The following MMD variants were observed in gnomAD, a reference collection of about 807,000 sequenced individuals.
The protein encoded by MMD is monocyte to macrophage differentiation factor.
MMD carries 22 observed loss-of-function variants against 33.6 expected under a neutral mutation model. The observed-to-expected ratio is 0.66, with a 90% confidence interval of 0.47 to 0.94. The LOEUF (loss-of-function observed/expected upper bound fraction) is 0.94. Among genes scored for constraint, MMD ranks in the 40% least tolerant of loss-of-function variants. The pLI, the probability that MMD is intolerant of heterozygous loss-of-function variation, is 0.00. For synonymous variants in MMD, 97 were observed against 103.2 expected (o/e 0.94, Z 0.36); for missense variants, 242 against 309.8 (o/e 0.78, Z 1.64).
intron 6 of MMD, among the ~76,000 whole-genome samples, chr17:55,396,435 T>G (rs762631151): frequency 9.9e-5 from 15 of 152,222 alleles, no homozygotes; most frequent in Non-Finnish European, 1.9e-4. Context: ...ATGGTTGTAT[T>G]GAAGCCTCCC....
chr17:55,412,596 C>T (rs923832154), intron 2 of MMD, among the ~76,000 whole-genome samples: 1 of 152,100 alleles, frequency 6.6e-6, no homozygotes, highest in Non-Finnish European at 1.5e-5. Context: ...TAGCAATTTG[C>T]TTATCTTTTT....
chr17:55,415,596 C>G (rs1907936811), intron 1 of MMD, among the ~76,000 whole-genome samples: 1 of 152,100 alleles, frequency 6.6e-6, no homozygotes, highest in South Asian at 2.1e-4. Context: ...AAAGACCAGC[C>G]AATACTCTTT....
chr17:55,420,886 C>G (rs1414494305), intron 1 of MMD, among the ~76,000 whole-genome samples: 1 of 152,176 alleles, frequency 6.6e-6, no homozygotes, highest in East Asian at 1.9e-4. Flanking sequence ...AAGGCCACGG[C>G]GCCCCCCAGC....
Position 55,393,452 on chromosome 17 carries a change from T to C in MMD, c.*882A>G, listed in dbSNP as rs1361924443. The C allele has an allele frequency of 6.6e-6, 1 of 152,556 alleles. No individual in the cohort carries two copies. The highest frequency in any genetic ancestry group is 1.5e-5 in the Non-Finnish European group (1 of 68,026). 9.5% of individuals were successfully genotyped at this position (152,556 alleles called of 1,614,324 possible). ...ATGCTCTTCAGGAGTTTCCAGCAGATGGCCATCACAACAATACTGTCATAA... is the reference window on the plus strand; with the variant it reads ...ATGCTCTTCAGGAGTTTCCAGCAGACGGCCATCACAACAATACTGTCATAA... On this transcript the variant is annotated 3_prime_UTR_variant, in exon 7 of 7. Coordinates refer to ENST00000262065, the MANE Select transcript of MMD (RefSeq NM_012329.3).
rs566023660 is a variant in MMD, at chr17:55,408,873, C to T, written c.270-1053G>A. On this transcript the variant is annotated intron_variant, in intron 3 of 6. Coordinates refer to ENST00000262065, the MANE Select transcript of MMD (RefSeq NM_012329.3). ...AAAATTAGCCAGGTGTGGTGGCGCA[C>T]GCCTGTAGTCCAAGCTACTCGGATG... Among the ~76,000 whole-genome samples, 97 of 152,100 alleles carry T rather than the reference C, an allele frequency of 6.4e-4. 1 individual carries two copies. The highest frequency in any genetic ancestry group is 5.4e-3 in the South Asian group (26 of 4,808).
intron 1 of MMD, chr17:55,420,095 T>A (rs747315848): frequency 6.6e-5 from 10 of 152,214 alleles, no homozygotes; most frequent in Non-Finnish European, 2.9e-5. Context: ...TTGTTTGTTT[T>A]TTTTCTTTTT....
chr17:55,421,785 G>A lies in MMD; in HGVS notation c.-90C>T, dbSNP rs936192801. 4.9e-5 allele frequency: 70 copies of A among 1,418,230 alleles called. No homozygotes were observed. Among genetic ancestry groups the A allele is most frequent in the Non-Finnish European group, 6.5e-5 (69 of 1,066,242 alleles). 87.9% of individuals were successfully genotyped at this position (1,418,230 alleles called of 1,614,324 possible). A position where few individuals can be genotyped will look rare whatever the true frequency, so the allele number is the denominator to read the frequency against. On this transcript the variant is annotated 5_prime_UTR_variant, in exon 1 of 7. Coordinates refer to ENST00000262065, the MANE Select transcript of MMD (RefSeq NM_012329.3). The stretch of plus-strand genomic sequence containing the variant: ...GGCCCTCATGGGCTTGGGCTGCTCC[G>A]GAGGCCGCCTGCGTGTCCAGCGGAA...
chr17:55,404,311 C>T (rs930626323), intron 4 of MMD: 1 of 341,446 alleles, frequency 2.9e-6, no homozygotes, highest in Non-Finnish European at 4.1e-6. Flanking sequence ...GCTGAGATTG[C>T]ACCACTGCAC....
intron 6 of MMD, among the ~76,000 whole-genome samples, chr17:55,396,995 G>C (rs1211600414): frequency 6.6e-6 from 1 of 152,082 alleles, no homozygotes; most frequent in East Asian, 1.9e-4. Context: ...CCTATACAAG[G>C]TTAAGACCCT....
In MMD at chr17:55,421,708, C is replaced by G. The variant is rs761221289; in HGVS notation, c.-13G>C. ...TCTTGAACCGCATTGATCCTCTGCT[C>G]CTCCTCGGGGGCCAGGAGCTCCGTC... On this transcript the variant is annotated 5_prime_UTR_variant, in exon 1 of 7. Coordinates refer to ENST00000262065, the MANE Select transcript of MMD (RefSeq NM_012329.3). 2 of 1,586,674 alleles carry G rather than the reference C, an allele frequency of 1.3e-6. No homozygotes were observed. Among genetic ancestry groups the G allele is most frequent in the Non-Finnish European group, 1.7e-6 (2 of 1,167,510 alleles).
intron 6 of MMD, among the ~76,000 whole-genome samples, chr17:55,398,478 T>C (rs1907207772): frequency 6.6e-6 from 1 of 151,866 alleles, no homozygotes; most frequent in South Asian, 2.1e-4. Flanking sequence ...TTGATCTGTT[T>C]TCCCTTAGGT....
At chr17:55,418,985 C>T (rs985694720) in intron 1 of MMD, among the ~76,000 whole-genome samples, 12 of 152,102 alleles carry the variant, frequency 7.9e-5, no homozygotes, top group Admixed American at 7.2e-4. Flanking sequence ...TGCCCACACA[C>T]AGATGTGGTG....
rs570823610 is a variant in MMD at position 55,412,249 on chromosome 17, T to C, written c.109-832A>G. On this transcript the variant is annotated intron_variant, in intron 2 of 6. Coordinates refer to ENST00000262065, the MANE Select transcript of MMD (RefSeq NM_012329.3). The stretch of plus-strand genomic sequence containing the variant: ...CATACAAAAAGTCAGTTGTTGAAGT[T>C]ATATACCCTGATTTTCAGTTTGGAT... Among the ~76,000 whole-genome samples the C allele has an allele frequency of 4.1e-4, 62 of 152,342 alleles. 1 individual carries two copies. The South Asian group carries it at 0.012, about 30-fold the overall frequency.
chr17:55,406,931 T>A (rs1907571218), intron 4 of MMD, among the ~76,000 whole-genome samples: 1 of 151,788 alleles, frequency 6.6e-6, no homozygotes, highest in African/African-American at 2.4e-5. Context: ...CTTGGGAGAA[T>A]GAGGTGTGAG....
In MMD at chr17:55,394,464, T is replaced by C; in HGVS notation, c.587A>G (p.Lys196Arg). The change falls in exon 7 of 7, where the codon AAG becomes AGG. Residue 196 changes from lysine (K) to arginine (R), a missense_variant. Coordinates refer to ENST00000262065, the MANE Select transcript of MMD (RefSeq NM_012329.3). ...LIYCLGVVFF[K>R]SDGIIPFAHA... ...GGCAAATGGAATGATGCCATCACTC[T>C]TGAAGAACACAACTCCCAAGCAATA... The C allele has an allele frequency of 6.5e-7, 1 of 1,546,620 alleles. No individual in the cohort carries two copies. The highest frequency in any genetic ancestry group is 8.7e-7 in the Non-Finnish European group (1 of 1,150,762).
intron 1 of MMD, among the ~76,000 whole-genome samples, 185 bp downstream of exon 1, chr17:55,421,485 C>T (rs75646226): frequency 0.26 from 38,808 of 152,138 alleles, 5,818 homozygotes; most frequent in Admixed American, 0.35. Flanking sequence ...AGCTCCCATC[C>T]TTGGAGGAAG....
intron 4 of MMD, among the ~76,000 whole-genome samples, chr17:55,406,555 G>A (rs1021614573): frequency 6.6e-6 from 1 of 151,856 alleles, no homozygotes; most frequent in Non-Finnish European, 1.5e-5. Flanking sequence ...GCAACATAGT[G>A]AGACTCTGTC....
Position 55,421,725 on chromosome 17 carries a change from A to T in MMD, c.-30T>A. 6.3e-7 allele frequency: 1 copy of T among 1,582,134 alleles called. No homozygotes were observed. Among genetic ancestry groups the T allele is most frequent in the Non-Finnish European group, 8.6e-7 (1 of 1,165,374 alleles). ...CCTCTGCTCCTCCTCGGGGGCCAGG[A>T]GCTCCGTCTCGTCAGCACCGGCGGC... is the stretch of plus-strand genomic sequence containing the variant. On this transcript the variant is annotated 5_prime_UTR_variant, in exon 1 of 7. Coordinates refer to ENST00000262065, the MANE Select transcript of MMD (RefSeq NM_012329.3).
chr17:55,409,903 T>C (rs1041162313), intron 3 of MMD, among the ~76,000 whole-genome samples: 1 of 152,198 alleles, frequency 6.6e-6, no homozygotes, highest in African/African-American at 2.4e-5. Flanking sequence ...TGCGACAGTG[T>C]GTCCTAAGGA....
Sources: allele counts gnomAD v4.1 joint callset (sites outside exome capture counted in the v4.1 genomes callset), GRCh38; gene constraint gnomAD v4.1.1; transcripts MANE v1.5; gene names NCBI Gene and HGNC (gene_info 2026-07-23, HGNC 2026-07-21).